WDR59: variants seen among roughly 807,000 people sequenced by gnomAD.
WDR59 encodes WD repeat domain 59.
In WDR59, 100 loss-of-function variants were observed where a neutral mutation model predicts 131.2. The observed-to-expected ratio is 0.76, with a 90% CI of 0.65 to 0.90. WDR59 has a LOEUF of 0.90. Ranked by LOEUF, WDR59 falls within the 40% of genes least tolerant of loss-of-function variation. The pLI, the probability that WDR59 is intolerant of heterozygous loss-of-function variation, is 0.00. For synonymous variants in WDR59, 601 were observed against 466.2 expected, an observed-to-expected ratio of 1.29 and a Z score of -3.72; for missense variants, 1,203 against 1,262.2, an observed-to-expected ratio of 0.95 and a Z score of 0.71.
At chr16:74,909,776 C>A (rs768776535) in intron 15 of WDR59, 46 bp downstream of exon 15, 1 of 1,588,960 alleles carries the variant, frequency 6.3e-7, no homozygotes, top group Non-Finnish European at 8.5e-7. Context: ...AGAAATGAAA[C>A]AAAACACCAA....
intron 1 of WDR59, among the ~76,000 whole-genome samples, chr16:74,967,908 C>G (rs2145203497): frequency 6.6e-6 from 1 of 150,486 alleles, no homozygotes; most frequent in Admixed American, 6.6e-5. Context: ...AAATGTCCAC[C>G]AATGGAGGAA....
Position 74,965,814 on chromosome 16 carries a change from C to T in WDR59, c.63G>A (p.Ala21=), listed in dbSNP as rs77985639. 1,543 of 1,614,086 alleles carry T rather than the reference C, an allele frequency of 9.6e-4. 24 individuals carry two copies. In the African/African-American group the frequency reaches 0.018, roughly 19 times the overall value. The part of the protein sequence containing the change: ...VVEFRDSQAT[A]MSVDCLGQHA... ...GCTGCCCAAGACAGTCCACAGACATCGCAGTTGCCTGAGAGAGAGAACACA... is the reference window on the plus strand; with the variant it reads ...GCTGCCCAAGACAGTCCACAGACATTGCAGTTGCCTGAGAGAGAGAACACA... The change falls in exon 2 of 26, where the codon GCG becomes GCA. Residue 21 remains alanine (A), a synonymous_variant. Coordinates refer to ENST00000262144, the MANE Select transcript of WDR59 (RefSeq NM_030581.4).
rs576881415 is a variant in WDR59 at position 74,965,021 on chromosome 16, G to A, written c.104+752C>T. ...AGAGGTTGCAGTGAGCCGAGATCGCGCCACTGCACTCCAGCCTGGGCGACA... is the reference window on the plus strand; with the variant it reads ...AGAGGTTGCAGTGAGCCGAGATCGCACCACTGCACTCCAGCCTGGGCGACA... On this transcript the variant is annotated intron_variant, in intron 2 of 25. Coordinates refer to ENST00000262144, the MANE Select transcript of WDR59 (RefSeq NM_030581.4). Among the ~76,000 whole-genome samples, 16 of 151,684 alleles carry A rather than the reference G, an allele frequency of 1.1e-4. No individual in the cohort carries two copies. In the East Asian group the frequency reaches 2.1e-3, roughly 20 times the overall value.
intron 6 of WDR59, among the ~76,000 whole-genome samples, chr16:74,945,456 A>C (rs142022562): frequency 5.3e-5 from 8 of 151,798 alleles, no homozygotes; most frequent in Non-Finnish European, 1.0e-4. Context: ...CAGCCTGGGC[A>C]ACAGAGCGAG....
chr16:74,976,202 C>A (rs1357491241), intron 1 of WDR59, among the ~76,000 whole-genome samples: 1 of 152,024 alleles, frequency 6.6e-6, no homozygotes, highest in Admixed American at 6.6e-5. Flanking sequence ...TTGCTCCTAG[C>A]CAAATAATTT....
intron 24 of WDR59, 129 bp from the exon 25 acceptor site, chr16:74,885,924 C>T: frequency 8.5e-7 from 1 of 1,174,436 alleles, no homozygotes; most frequent in Non-Finnish European, 1.2e-6. Flanking sequence ...ACCTGTCACT[C>T]CCAGCACTTT....
At position 74,985,120 on chromosome 16, in the gene WDR59, A is replaced by G. The variant is rs1176173781; in HGVS notation, c.-103T>C. 5 of 1,176,826 alleles carry G rather than the reference A, an allele frequency of 4.2e-6. No homozygotes were observed. Among genetic ancestry groups the G allele is most frequent in the Non-Finnish European group, 6.1e-6 (5 of 814,436 alleles). 72.9% of individuals were successfully genotyped at this position (1,176,826 alleles called of 1,614,324 possible). A position where few individuals can be genotyped will look rare whatever the true frequency, so the allele number is the denominator to read the frequency against. ...CCACACAGCCAGAGAATCAGCCCCG[A>G]CACGCCCCGTGCCCTGGTTGCTCCT... On this transcript the variant is annotated 5_prime_UTR_variant, in exon 1 of 26. Coordinates refer to ENST00000262144, the MANE Select transcript of WDR59 (RefSeq NM_030581.4).
At chr16:74,924,101 A>G (rs1243885513) in intron 8 of WDR59, 98 bp from the exon 9 acceptor site, 1 of 1,171,688 alleles carries the variant, frequency 8.5e-7, no homozygotes, top group Admixed American at 2.0e-5. Flanking sequence ...CTGGTCCTCT[A>G]AAGATACACT....
rs1458731060 is a variant in WDR59 at position 74,916,154 on chromosome 16, G to A, written c.1072C>T (p.His358Tyr). Reference protein sequence around the residue: ...TLHTEDTDHQHTASHGEEEAL... With the variant: ...TLHTEDTDHQYTASHGEEEAL... The stretch of plus-strand genomic sequence containing the variant: ...TCTTCCTCCCCATGGCTTGCAGTGT[G>A]CTGGTGATCTGTATCTTCAGTGTGC... Residue 358 changes from histidine to tyrosine, a missense_variant, in exon 12 of 26, where the codon CAC becomes TAC. Physicochemically the swap from His to Tyr is moderately conservative, Grantham distance 83. Coordinates refer to ENST00000262144, the MANE Select transcript of WDR59 (RefSeq NM_030581.4). 4 of 1,614,182 alleles carry A rather than the reference G, an allele frequency of 2.5e-6. No homozygotes were observed. Among genetic ancestry groups the A allele is most frequent in the Non-Finnish European group, 2.5e-6 (3 of 1,180,040 alleles).
At chr16:74,962,392 C>T (rs1024907174) in intron 2 of WDR59, among the ~76,000 whole-genome samples, 13 of 152,050 alleles carry the variant, frequency 8.5e-5, no homozygotes, top group Non-Finnish European at 1.8e-4. Flanking sequence ...GCCATTTTCA[C>T]GATATTGATT....
At position 74,948,527 on chromosome 16, in the gene WDR59, G is replaced by A. The variant is rs144383946; in HGVS notation, c.437C>T (p.Ser146Phe). 6.2e-7 allele frequency: 1 copy of A among 1,613,908 alleles called. No individual in the cohort carries two copies. The highest frequency in any genetic ancestry group is 8.5e-7 in the Non-Finnish European group (1 of 1,179,818). The stretch of plus-strand genomic sequence containing the variant: ...GAGAAGCATACACTCACCAACAGCA[G>A]ACAGTGCAACAGTAGGTTTCCTTGT... ...KDTRKPTVAL[S>F]AVAGASQVKW... The change falls in exon 6 of 26, where the codon TCT (serine) becomes TTT (phenylalanine). Residue 146 changes from serine (S) to phenylalanine (F), a missense_variant. By Grantham distance (155) the Ser-to-Phe change is radical (BLOSUM62 -2). Transcript: ENST00000262144.
At chr16:74,917,808 CAAAA>C (rs34773155) in intron 11 of WDR59, 117 bp downstream of exon 11, 14,513 of 423,518 alleles carry the variant, frequency 0.034, no homozygotes, top group South Asian at 0.048. Context: ...GACGCACTCT[CAAAA>C]AAAAAAAAAA....
chr16:74,942,954 C>T (rs954901076), intron 6 of WDR59, 128 bp from the exon 7 acceptor site: 3 of 729,128 alleles, frequency 4.1e-6, no homozygotes, highest in African/African-American at 3.6e-5. Context: ...GTTTCTGTGA[C>T]TGCACCAACT....
rs190161112 is a variant in WDR59, at chr16:74,971,280, G to T, written c.55-5458C>A. 9.9e-5 allele frequency among the ~76,000 whole-genome samples: 15 copies of T among 152,098 alleles called. No homozygotes were observed. The East Asian group carries it at 2.9e-3, about 29-fold the overall frequency. On this transcript the variant is annotated intron_variant, in intron 1 of 25. Coordinates refer to ENST00000262144, the MANE Select transcript of WDR59 (RefSeq NM_030581.4). ...ACTTCAATAGCTCACTGCATGCTGT[G>T]TGAGACGTTCTATTAGAATAATGTG...
At chr16:74,965,743 A>G (rs945689737) in intron 2 of WDR59, 30 bp downstream of exon 2, 2 of 1,613,896 alleles carry the variant, frequency 1.2e-6, no homozygotes, top group Admixed American at 1.7e-5. Context: ...TCCAGAAATC[A>G]TGGCAGACAA....
chr16:74,909,833 C>T lies in WDR59; in HGVS notation c.1474G>A (p.Glu492Lys). 6.2e-7 allele frequency: 1 copy of T among 1,612,354 alleles called. No homozygotes were observed. The highest frequency in any genetic ancestry group is 1.1e-5 in the South Asian group (1 of 90,938). The change falls in exon 15 of 26, where the codon GAG becomes AAG. Residue 492 changes from glutamate to lysine, a missense_variant. Glu to Lys is a moderately conservative substitution (Grantham distance 56). Coordinates refer to ENST00000262144, the MANE Select transcript of WDR59 (RefSeq NM_030581.4). ...PCLRQLVSCL[E>K]SFVNQEDSAS... ...TTCATGCTTCCCACCACAAAGGACT[C>T]AAGGCAGGAGACGAGCTGGCGCAGG...
chr16:74,906,196 C>A (rs1345824209), intron 17 of WDR59, among the ~76,000 whole-genome samples: 1 of 150,798 alleles, frequency 6.6e-6, no homozygotes, highest in Non-Finnish European at 1.5e-5. Context: ...CGCCTATAGG[C>A]CCAGCTACTC....
chr16:74,954,331 C>G (rs1328353203), intron 3 of WDR59, among the ~76,000 whole-genome samples: 2 of 152,084 alleles, frequency 1.3e-5, no homozygotes, highest in African/African-American at 2.4e-5. Flanking sequence ...TCGCTTGAAC[C>G]CAGGAGGTGG....
chr16:74,953,509 C>A (rs2033121796), intron 3 of WDR59, among the ~76,000 whole-genome samples: 1 of 146,424 alleles, frequency 6.8e-6, no homozygotes, highest in Non-Finnish European at 1.5e-5. Context: ...CAACCAAGAA[C>A]AAAAGAAAAA....
Sources: gnomAD v4.1 joint callset for allele counts (sites outside exome capture counted in the v4.1 genomes callset) on GRCh38, gnomAD v4.1.1 for gene constraint, MANE v1.5 for transcripts, NCBI Gene and HGNC (gene_info 2026-07-23, HGNC 2026-07-21) for gene names.